Variants in KDM1B observed in about 807,000 individuals in gnomAD.
KDM1B encodes lysine-specific histone demethylase 2.
In KDM1B, 63 loss-of-function variants were observed where a neutral mutation model predicts 107.4. The ratio of observed to expected loss-of-function variants is 0.59; its 90% CI spans 0.48 to 0.72. KDM1B has a LOEUF of 0.72. KDM1B is among the 30% of genes least tolerant of loss of function. The pLI is 0.00. For synonymous variants in KDM1B, 363 were observed against 363.9 expected, an observed-to-expected ratio of 1.00 and a Z score of 0.03; for missense variants, 749 against 1,020.8, an observed-to-expected ratio of 0.73 and a Z score of 3.63.
At chr6:18,173,251 A>G (rs1472983832) in intron 7 of KDM1B, among the ~76,000 whole-genome samples, 3 of 152,176 alleles carry the variant, frequency 2.0e-5, no homozygotes, top group African/African-American at 7.2e-5. Context: ...ATGGGTATGT[A>G]CTAGTATCAT....
chr6:18,212,375 A>G lies in KDM1B; in HGVS notation c.1867-113A>G. On this transcript the variant is annotated intron_variant, in intron 17 of 21. Coordinates refer to ENST00000650836, the MANE Select transcript of KDM1B (RefSeq NM_001364614.2). This position sits in a 1 kb window ranked among gnomAD's most constrained non-coding sequence, Gnocchi z 5.2. ...TGCAGTGAGCAACCTGCACAGTTGC[A>G]CATGGCAGCCCTTGTTCTTGCCAGT... The G allele has an allele frequency of 1.3e-6, 1 of 763,362 alleles. No individual in the cohort carries two copies. Among genetic ancestry groups the G allele is most frequent in the South Asian group, 1.5e-5 (1 of 68,650 alleles). 47.3% of individuals were successfully genotyped at this position (763,362 alleles called of 1,614,324 possible).
chr6:18,215,810 C>T (rs540511255), intron 20 of KDM1B, among the ~76,000 whole-genome samples: 1 of 150,110 alleles, frequency 6.7e-6, no homozygotes, highest in African/African-American at 2.5e-5. Flanking sequence ...TTTACTGAAG[C>T]CCTAGAAGCT....
Position 18,162,465 on chromosome 6 carries a change from C to G in KDM1B, c.216-370C>G, listed in dbSNP as rs777527518. Among the ~76,000 whole-genome samples the G allele has an allele frequency of 2.0e-5, 3 of 152,210 alleles. No homozygotes were observed. The highest frequency in any genetic ancestry group is 7.2e-5 in the African/African-American group (3 of 41,456). On this transcript the variant is annotated intron_variant, in intron 4 of 21. Transcript: ENST00000650836. The surrounding 1 kb of genome is among the most constrained non-coding windows in gnomAD (Gnocchi z 4.1). Reference sequence around the variant, plus strand: ...TGCCTGCTTGATGTTCAGATTTCAGCTGACCAGATTCCCTCGCTGTTCAGT... The same window carrying G: ...TGCCTGCTTGATGTTCAGATTTCAGGTGACCAGATTCCCTCGCTGTTCAGT...
Position 18,217,776 on chromosome 6 carries a change from C to T in KDM1B, c.2276C>T (p.Thr759Ile), listed in dbSNP as rs780847222. 3.7e-6 allele frequency: 6 copies of T among 1,613,812 alleles called. No individual in the cohort carries two copies. The East Asian group carries it at 1.1e-4, about 30-fold the overall frequency. The change falls in exon 21 of 22, where the codon ACA becomes ATA. Residue 759 changes from threonine (T) to isoleucine (I), a missense_variant. Transcript: ENST00000650836. ...AAGTATTTTGTCACTCGGTGGAGCACAGACCCATGGATCCAGATGGCATAC... is the reference window on the plus strand; with the variant it reads ...AAGTATTTTGTCACTCGGTGGAGCATAGACCCATGGATCCAGATGGCATAC... ...PTKYFVTRWS[T>I]DPWIQMAYSF...
At chr6:18,182,230 C>T (rs1786529890) in intron 7 of KDM1B, among the ~76,000 whole-genome samples, 1 of 152,054 alleles carries the variant, frequency 6.6e-6, no homozygotes, top group African/African-American at 2.4e-5. Context: ...CAAATCTCTT[C>T]CCCCAACCCC....
At chr6:18,220,534 A>G (rs1789612842) in intron 21 of KDM1B, among the ~76,000 whole-genome samples, 1 of 152,120 alleles carries the variant, frequency 6.6e-6, no homozygotes, top group Non-Finnish European at 1.5e-5. Flanking sequence ...AGACAGAGTG[A>G]GACTCTTTTT....
chr6:18,212,683 A>G lies in KDM1B; in HGVS notation c.1983+79A>G. On this transcript the variant is annotated intron_variant, in intron 18 of 21. Transcript: ENST00000650836. The surrounding 1 kb of genome is among the most constrained non-coding windows in gnomAD (Gnocchi z 5.2). The stretch of plus-strand genomic sequence containing the variant: ...ATGTTAACTTCTGATATGGAGAAGT[A>G]GTGGGTACTATCTAAATACAAATAA... 1 of 873,160 alleles carries G rather than the reference A, an allele frequency of 1.1e-6. No homozygotes were observed. The highest frequency in any genetic ancestry group is 2.0e-6 in the Non-Finnish European group (1 of 507,856). The allele number at this position is 873,160 out of a possible 1,614,324, so 54.1% of individuals were successfully genotyped here.
chr6:18,171,630 C>T (rs935206821), intron 7 of KDM1B, 151 bp downstream of exon 7: 1 of 625,574 alleles, frequency 1.6e-6, no homozygotes, highest in Admixed American at 2.6e-5. Context: ...ATGGCTTAAC[C>T]AATTAAGGAT....
intron 6 of KDM1B, 28 bp downstream of exon 6, chr6:18,166,406 G>A (rs1283759626): frequency 7.4e-7 from 1 of 1,354,746 alleles, no homozygotes; most frequent in East Asian, 2.3e-5. Flanking sequence ...CTCTGTCTGT[G>A]AAGTATTTGT....
chr6:18,185,052 C>T (rs115007786), intron 7 of KDM1B, among the ~76,000 whole-genome samples: 2,946 of 151,992 alleles, frequency 0.019, 47 homozygotes, highest in South Asian at 0.04. Flanking sequence ...TTTTTGAATA[C>T]AAATAATGCT....
chr6:18,217,950 A>G, intron 21 of KDM1B, 65 bp downstream of exon 21: 1 of 1,540,532 alleles, frequency 6.5e-7, no homozygotes, highest in Non-Finnish European at 8.9e-7. Context: ...CTAAAATGAT[A>G]TCTGCCCAGA....
chr6:18,173,523 T>G (rs964538058), intron 7 of KDM1B, among the ~76,000 whole-genome samples: 2 of 152,332 alleles, frequency 1.3e-5, no homozygotes, highest in African/African-American at 2.4e-5. Context: ...TTATTCACTT[T>G]TTCATTTATG....
intron 5 of KDM1B, 87 bp downstream of exon 5, chr6:18,163,011 T>G: frequency 1.3e-6 from 1 of 797,848 alleles, no homozygotes; most frequent in Non-Finnish European, 2.2e-6. Flanking sequence ...AAGCTTAGTC[T>G]CGAGGCTTAC....
intron 8 of KDM1B, 93 bp from the exon 9 acceptor site, chr6:18,187,699 G>T (rs899596677): frequency 1.1e-5 from 9 of 827,488 alleles, no homozygotes; most frequent in African/African-American, 1.0e-4. Context: ...TTAAGGACAA[G>T]TGAAACGAAG....
At chr6:18,199,905 G>A (rs908173873) in intron 12 of KDM1B, among the ~76,000 whole-genome samples, 2 of 152,006 alleles carry the variant, frequency 1.3e-5, no homozygotes, top group African/African-American at 4.8e-5. Flanking sequence ...TTGAGACAAG[G>A]TCTCACTCTG....
chr6:18,192,831 A>G (rs940348166), intron 10 of KDM1B, among the ~76,000 whole-genome samples: 1 of 131,206 alleles, frequency 7.6e-6, no homozygotes, highest in Admixed American at 7.6e-5. Flanking sequence ...TGACTTATAC[A>G]GGGGAAGAAT....
At chr6:18,217,535 T>C (rs962294933) in intron 20 of KDM1B, among the ~76,000 whole-genome samples, 198 bp from the exon 21 acceptor site, 52 of 152,080 alleles carry the variant, frequency 3.4e-4, no homozygotes, top group South Asian at 4.2e-4. Flanking sequence ...CCTGCCATCA[T>C]GCCTGGCTAA....
intron 5 of KDM1B, among the ~76,000 whole-genome samples, chr6:18,165,787 G>A (rs929037857): frequency 7.9e-5 from 12 of 152,112 alleles, no homozygotes; most frequent in African/African-American, 2.4e-4. Flanking sequence ...GTGCCATTGC[G>A]CTGCAGCCTG....
At position 18,214,146 on chromosome 6, in the gene KDM1B, G is replaced by T. The variant is rs1160650758; in HGVS notation, c.2109+365G>T. Among the ~76,000 whole-genome samples the T allele has an allele frequency of 6.6e-6, 1 of 151,940 alleles. No homozygotes were observed. Among genetic ancestry groups the T allele is most frequent in the African/African-American group, 2.4e-5 (1 of 41,404 alleles). On this transcript the variant is annotated intron_variant, in intron 19 of 21. Coordinates refer to ENST00000650836, the MANE Select transcript of KDM1B (RefSeq NM_001364614.2). This position sits in a 1 kb window ranked among gnomAD's most constrained non-coding sequence, Gnocchi z 4.4. ...GGGAGCTGGGAAAGGGTGTATGATT[G>T]GTGAGGGAGGGTGTGAGTGTCAGCA... is the stretch of plus-strand genomic sequence containing the variant.
Sources: gnomAD v4.1 joint callset for allele counts (sites outside exome capture counted in the v4.1 genomes callset) on GRCh38, gnomAD v4.1.1 for gene constraint, Gnocchi (gnomAD v3.1) non-coding constraint, MANE v1.5 for transcripts, NCBI Gene and HGNC (gene_info 2026-07-23, HGNC 2026-07-21) for gene names.